Variants in PTPRD observed in about 807,000 individuals in gnomAD.
The protein encoded by PTPRD is protein tyrosine phosphatase receptor type D, also known as receptor-type tyrosine-protein phosphatase delta.
A neutral mutation model predicts 214.5 loss-of-function variants in PTPRD; 34 were observed. The ratio of observed to expected loss-of-function variants is 0.16; its 90% CI spans 0.12 to 0.21. The LOEUF (loss-of-function observed/expected upper bound fraction) is 0.21. PTPRD is among the 10% of genes least tolerant of loss of function. The pLI is 1.00. For missense variants in PTPRD, 2,545 were observed against 2,398.7 expected, an observed-to-expected ratio of 1.06 and a Z score of -1.27; for synonymous variants, 1,128 against 845.7, an observed-to-expected ratio of 1.33 and a Z score of -5.79.
At chr9:8,622,456 C>G (rs558204744) in intron 14 of PTPRD, among the ~76,000 whole-genome samples, 5 of 152,056 alleles carry the variant, frequency 3.3e-5, no homozygotes, top group East Asian at 3.9e-4. Context: ...AAGGTGTAAG[C>G]TGAATTACTG....
At chr9:9,678,701 C>T (rs1389314134) in intron 7 of PTPRD, among the ~76,000 whole-genome samples, 1 of 151,468 alleles carries the variant, frequency 6.6e-6, no homozygotes, top group Non-Finnish European at 1.5e-5. Flanking sequence ...AAGAAAAAAA[C>T]AAAACTCTAA....
Position 10,080,882 on chromosome 9 carries a change from A to G in PTPRD, c.-544-47092T>C, listed in dbSNP as rs868127427. On this transcript the variant is annotated intron_variant, in intron 3 of 45. Coordinates refer to ENST00000381196, the MANE Select transcript of PTPRD (RefSeq NM_002839.4). ...TTGGTATGAATATTCTAAAAACATT[A>G]CGTAAATATTGGAACAAATACATCT... 5.9e-5 allele frequency among the ~76,000 whole-genome samples: 9 copies of G among 152,252 alleles called. No homozygotes were observed. The South Asian group carries it at 1.7e-3, about 28-fold the overall frequency.
chr9:9,286,493 G>C (rs956549591), intron 9 of PTPRD, among the ~76,000 whole-genome samples: 1 of 151,584 alleles, frequency 6.6e-6, no homozygotes, highest in South Asian at 2.1e-4. Flanking sequence ...AACTCATAAT[G>C]TCCATTCACA....
At chr9:8,655,829 G>A (rs547841141) in intron 12 of PTPRD, among the ~76,000 whole-genome samples, 9 of 149,178 alleles carry the variant, frequency 6.0e-5, no homozygotes, top group Admixed American at 2.0e-4. Context: ...CTTACTTCTG[G>A]TCTTTCCAAA....
At chr9:8,636,932 A>G in intron 12 of PTPRD, 88 bp from the exon 13 acceptor site, 1 of 1,290,174 alleles carries the variant, frequency 7.8e-7, no homozygotes, top group South Asian at 1.4e-5. Context: ...ACCATCCTCA[A>G]CCACACCGCC....
chr9:10,338,004 A>G (rs2096873187), intron 3 of PTPRD, among the ~76,000 whole-genome samples: 1 of 151,674 alleles, frequency 6.6e-6, no homozygotes, highest in Non-Finnish European at 1.5e-5. Flanking sequence ...AAAAACGCAA[A>G]CTTTTTCACT....
chr9:9,416,529 C>A (rs1287916158), intron 8 of PTPRD, among the ~76,000 whole-genome samples: 1 of 152,096 alleles, frequency 6.6e-6, no homozygotes, highest in African/African-American at 2.4e-5. Context: ...ACGTCCAATT[C>A]CTTTGTGTGG....
At chr9:8,978,241 G>GC (rs1259270583) in intron 11 of PTPRD, among the ~76,000 whole-genome samples, 1 of 152,072 alleles carries the variant, frequency 6.6e-6, no homozygotes, top group Non-Finnish European at 1.5e-5. Context: ...TCAAAGGGTA[G>GC]CAAGGCCTCA....
At chr9:9,058,572 C>A (rs896059698) in intron 10 of PTPRD, among the ~76,000 whole-genome samples, 1 of 148,960 alleles carries the variant, frequency 6.7e-6, no homozygotes, top group African/African-American at 2.5e-5. Flanking sequence ...GCCTCAGCCT[C>A]CCGAGTAGCT....
At position 9,963,022 on chromosome 9, in the gene PTPRD, A is replaced by G. The variant is rs958758261; in HGVS notation, c.-471-24412T>C. Reference sequence around the variant, plus strand: ...ATATAGTTACACTATATAAAGTAAAAGTAGTATTTAAAGGTTATCTGACAA... The same window carrying G: ...ATATAGTTACACTATATAAAGTAAAGGTAGTATTTAAAGGTTATCTGACAA... On this transcript the variant is annotated intron_variant, in intron 4 of 45. Transcript: ENST00000381196. 7.2e-5 allele frequency among the ~76,000 whole-genome samples: 11 copies of G among 152,164 alleles called. 1 individual carries two copies. Among genetic ancestry groups the G allele is most frequent in the Admixed American group, 7.2e-4 (11 of 15,278 alleles).
intron 2 of PTPRD, among the ~76,000 whole-genome samples, chr9:10,568,227 T>C (rs1464934911): frequency 1.3e-5 from 2 of 151,988 alleles, no homozygotes; most frequent in Non-Finnish European, 2.9e-5. Context: ...TTTGGTTTTT[T>C]GTCCTTGTGA....
chr9:9,130,086 A>G (rs2099840312), intron 10 of PTPRD, among the ~76,000 whole-genome samples: 1 of 152,122 alleles, frequency 6.6e-6, no homozygotes, highest in African/African-American at 2.4e-5. Context: ...ATCTTATGTT[A>G]AGTACTAGGG....
chr9:9,031,802 A>C (rs1388411221), intron 10 of PTPRD, among the ~76,000 whole-genome samples: 1 of 151,974 alleles, frequency 6.6e-6, no homozygotes, highest in African/African-American at 2.4e-5. Context: ...AAGAACAAAA[A>C]ATGCCTCATA....
At chr9:9,342,008 C>T (rs921194217) in intron 9 of PTPRD, among the ~76,000 whole-genome samples, 9 of 151,986 alleles carry the variant, frequency 5.9e-5, no homozygotes, top group African/African-American at 2.2e-4. Flanking sequence ...AGGATTTTGC[C>T]ATATTGGTCA....
At chr9:10,405,367 T>G (rs185949011) in intron 2 of PTPRD, among the ~76,000 whole-genome samples, 419 of 151,780 alleles carry the variant, frequency 2.8e-3, no homozygotes, top group Non-Finnish European at 4.8e-3. Flanking sequence ...ACTTATATTT[T>G]CTACAAATCT....
At chr9:10,118,694 C>A (rs1208392270) in intron 3 of PTPRD, among the ~76,000 whole-genome samples, 1 of 151,354 alleles carries the variant, frequency 6.6e-6, no homozygotes, top group Non-Finnish European at 1.5e-5. Context: ...AAGCCTAATG[C>A]ATTCTTGGGT....
intron 7 of PTPRD, among the ~76,000 whole-genome samples, chr9:9,602,813 G>A (rs1429242384): frequency 3.9e-5 from 6 of 152,000 alleles, no homozygotes; most frequent in South Asian, 2.1e-4. Context: ...TGAGGCCTAC[G>A]ATGCCAGTCA....
chr9:10,510,405 T>C (rs1432416440), intron 2 of PTPRD, among the ~76,000 whole-genome samples: 4 of 152,124 alleles, frequency 2.6e-5, no homozygotes, highest in Non-Finnish European at 4.4e-5. Context: ...AACAGTTCCC[T>C]CTCCTCAGAA....
chr9:9,057,521 T>C (rs1440773186), intron 10 of PTPRD, among the ~76,000 whole-genome samples: 1 of 152,214 alleles, frequency 6.6e-6, no homozygotes, highest in Admixed American at 6.5e-5. Flanking sequence ...AAATTTTAGA[T>C]TTAAGAATAA....
Sources: gnomAD v4.1 joint callset for allele counts (sites outside exome capture counted in the v4.1 genomes callset) on GRCh38, gnomAD v4.1.1 for gene constraint, MANE v1.5 for transcripts, NCBI Gene and HGNC (gene_info 2026-07-23, HGNC 2026-07-21) for gene names.